The following ADGRL3 variants were observed in gnomAD, a reference collection of about 807,000 sequenced individuals.
ADGRL3 encodes calcium-independent alpha-latrotoxin receptor 3.
A neutral mutation model predicts 153.5 loss-of-function variants in ADGRL3; 62 were observed. The ratio of observed to expected loss-of-function variants is 0.40; its 90% CI spans 0.33 to 0.50. The LOEUF (loss-of-function observed/expected upper bound fraction) is 0.50, where lower values mean the gene tolerates loss of function less well. ADGRL3 is among the 20% of genes least tolerant of loss of function. ADGRL3 has a pLI of 0.47. For missense variants in ADGRL3, 1,641 were observed against 1,859.4 expected (o/e 0.88, Z 2.16); for synonymous variants, 710 against 672.5 (o/e 1.06, Z -0.86).
At chr4:61,743,919 C>A (rs1390066288) in intron 8 of ADGRL3, among the ~76,000 whole-genome samples, 2 of 152,202 alleles carry the variant, frequency 1.3e-5, no homozygotes, top group East Asian at 3.9e-4. Flanking sequence ...CATTGCCTCA[C>A]TCGGGAAGTG....
At chr4:61,412,507 C>A (rs924476544) in intron 2 of ADGRL3, among the ~76,000 whole-genome samples, 1 of 152,168 alleles carries the variant, frequency 6.6e-6, no homozygotes, top group Non-Finnish European at 1.5e-5. Flanking sequence ...CTCAGCCTAG[C>A]CTAGATTAAG....
intron 5 of ADGRL3, among the ~76,000 whole-genome samples, chr4:61,592,811 T>C (rs1000483931): frequency 1.3e-4 from 20 of 152,190 alleles, no homozygotes; most frequent in African/African-American, 4.8e-4. Flanking sequence ...TATTTCATTA[T>C]GGCTTATGGG....
intron 9 of ADGRL3, among the ~76,000 whole-genome samples, chr4:61,832,134 C>T (rs1381489982): frequency 6.6e-6 from 1 of 152,060 alleles, no homozygotes; most frequent in African/African-American, 2.4e-5. Flanking sequence ...ATTTAATGCA[C>T]ATATGGAGTT....
chr4:61,558,494 C>G (rs945098049), intron 4 of ADGRL3, among the ~76,000 whole-genome samples: 8 of 151,830 alleles, frequency 5.3e-5, no homozygotes, highest in African/African-American at 1.7e-4. Context: ...TAAAATAGAT[C>G]TCTTTCTCTT....
At chr4:61,693,865 G>A (rs1292745388) in intron 6 of ADGRL3, among the ~76,000 whole-genome samples, 1 of 152,068 alleles carries the variant, frequency 6.6e-6, no homozygotes, top group Non-Finnish European at 1.5e-5. Context: ...ATTCCACTTA[G>A]GAGAGGAGTG....
At chr4:61,902,147 G>A (rs1479919982) in intron 11 of ADGRL3, among the ~76,000 whole-genome samples, 9 of 152,174 alleles carry the variant, frequency 5.9e-5, no homozygotes, top group Non-Finnish European at 1.3e-4. Context: ...CCACTGGAGA[G>A]GATGTGGGCC....
intron 4 of ADGRL3, among the ~76,000 whole-genome samples, chr4:61,545,077 C>A (rs1392080852): frequency 2.0e-5 from 3 of 152,168 alleles, no homozygotes; most frequent in South Asian, 2.1e-4. Flanking sequence ...AGTCAAAAAT[C>A]TAGAAGTAAT....
At chr4:61,730,105 G>C (rs943017168) in intron 6 of ADGRL3, among the ~76,000 whole-genome samples, 2 of 151,506 alleles carry the variant, frequency 1.3e-5, no homozygotes, top group Non-Finnish European at 3.0e-5. Context: ...TTTCTCATAA[G>C]ACTGACAAGC....
intron 1 of ADGRL3, among the ~76,000 whole-genome samples, chr4:61,217,940 T>C (rs895654270): frequency 6.6e-6 from 1 of 152,192 alleles, no homozygotes; most frequent in Non-Finnish European, 1.5e-5. Flanking sequence ...CAGTAAAATA[T>C]CAATCTGGAA....
intron 5 of ADGRL3, among the ~76,000 whole-genome samples, chr4:61,661,165 C>G (rs1190038255): frequency 6.6e-6 from 1 of 151,994 alleles, no homozygotes; most frequent in African/African-American, 2.4e-5. Context: ...TGAGTTTATT[C>G]ACTAATGTTA....
Position 61,792,186 on chromosome 4 carries a change from G to A in ADGRL3, c.1400-21623G>A, listed in dbSNP as rs988394824. 9.2e-5 allele frequency among the ~76,000 whole-genome samples: 14 copies of A among 151,780 alleles called. 1 individual carries two copies. In the East Asian group the frequency reaches 2.3e-3, roughly 25 times the overall value. On this transcript the variant is annotated intron_variant, in intron 8 of 26. Transcript: ENST00000683033. Reference sequence around the variant, plus strand: ...CTTATAAAACTGAATGCCTTTACCAGCACCCAAGTCACCTCTTTAATGCTT... The same window carrying A: ...CTTATAAAACTGAATGCCTTTACCAACACCCAAGTCACCTCTTTAATGCTT...
chr4:61,679,934 C>T (rs930469366), intron 6 of ADGRL3, among the ~76,000 whole-genome samples: 2 of 151,974 alleles, frequency 1.3e-5, no homozygotes, highest in African/African-American at 4.8e-5. Flanking sequence ...GGGCCCAAGT[C>T]GTTTTTCTTA....
intron 2 of ADGRL3, among the ~76,000 whole-genome samples, chr4:61,398,482 A>G (rs748866559): frequency 4.6e-5 from 7 of 151,026 alleles, no homozygotes; most frequent in African/African-American, 7.3e-5. Flanking sequence ...AGAATTTTGT[A>G]TTTAAAATCT....
chr4:62,006,788 G>A (rs1419565872), intron 21 of ADGRL3, among the ~76,000 whole-genome samples: 1 of 151,966 alleles, frequency 6.6e-6, no homozygotes, highest in East Asian at 1.9e-4. Context: ...TAAAGATAGA[G>A]CAAACAATTG....
chr4:61,236,472 T>A (rs1295445249), intron 1 of ADGRL3, among the ~76,000 whole-genome samples: 1 of 152,234 alleles, frequency 6.6e-6, no homozygotes, highest in Non-Finnish European at 1.5e-5. Context: ...TCTTTTTGTT[T>A]ATTTTTTGGT....
At position 62,070,534 on chromosome 4, in the gene ADGRL3, A is replaced by G. The variant is rs1452088507; in HGVS notation, c.4258A>G (p.Thr1420Ala). Residue 1420 changes from threonine to alanine, a missense_variant, in exon 27 of 27, where the codon ACC (threonine) becomes GCC (alanine). Transcript: ENST00000683033. Reference protein sequence around the residue: ...STENHQPHHYTRRRIPQDHSE... With the variant: ...STENHQPHHYARRRIPQDHSE... Reference sequence around the variant, plus strand: ...CGAGAACCACCAGCCACACCATTATACCAGAAGGCGGATCCCCCAAGACCA... The same window carrying G: ...CGAGAACCACCAGCCACACCATTATGCCAGAAGGCGGATCCCCCAAGACCA... 1.3e-6 allele frequency: 2 copies of G among 1,550,796 alleles called. No homozygotes were observed. The highest frequency in any genetic ancestry group is 1.7e-6 in the Non-Finnish European group (2 of 1,146,824).
chr4:61,451,195 A>T (rs1167656002), intron 2 of ADGRL3, among the ~76,000 whole-genome samples: 1 of 152,166 alleles, frequency 6.6e-6, no homozygotes, highest in African/African-American at 2.4e-5. Context: ...TGACTCAAAT[A>T]TACAGACAAG....
chr4:61,234,968 T>C (rs1199430322), intron 1 of ADGRL3, among the ~76,000 whole-genome samples: 1 of 152,160 alleles, frequency 6.6e-6, no homozygotes, highest in Non-Finnish European at 1.5e-5. Context: ...GATTATGAGT[T>C]GCATGAAGTT....
At chr4:61,495,196 C>T (rs2098299874) in intron 2 of ADGRL3, among the ~76,000 whole-genome samples, 2 of 152,160 alleles carry the variant, frequency 1.3e-5, no homozygotes, top group South Asian at 2.1e-4. Context: ...CTCCAGAATG[C>T]GTGCTCTTAA....
Sources: gnomAD v4.1 joint callset for allele counts (sites outside exome capture counted in the v4.1 genomes callset) on GRCh38, gnomAD v4.1.1 for gene constraint, MANE v1.5 for transcripts, NCBI Gene and HGNC (gene_info 2026-07-23, HGNC 2026-07-21) for gene names.